KDM4B: variants seen among roughly 807,000 people sequenced by gnomAD.
KDM4B encodes lysine demethylase 4B.
In KDM4B, 32 loss-of-function variants were observed where a neutral mutation model predicts 125.2. That is an observed-to-expected ratio of 0.26 (90% CI 0.19 to 0.34). KDM4B has a LOEUF of 0.34. Among genes scored for constraint, KDM4B ranks in the 10% least tolerant of loss-of-function variants. The probability of loss-of-function intolerance (pLI) is 1.00; values close to 1 mark genes in which losing one functional copy is unlikely to be tolerated. For synonymous variants in KDM4B, 721 were observed against 677.9 expected (o/e 1.06, Z -0.99); for missense variants, 1,190 against 1,577.7 (o/e 0.75, Z 4.16).
intron 9 of KDM4B, among the ~76,000 whole-genome samples, chr19:5,096,541 C>T (rs1477317093): frequency 6.6e-6 from 1 of 152,202 alleles, no homozygotes; most frequent in African/African-American, 2.4e-5. Flanking sequence ...ACCCCAGTTT[C>T]TCACTTCCGT....
chr19:4,971,185 C>T lies in KDM4B; in HGVS notation c.-109+1955C>T, dbSNP rs1299660378. 6.6e-6 allele frequency among the ~76,000 whole-genome samples: 1 copy of T among 152,096 alleles called. No homozygotes were observed. Among genetic ancestry groups the T allele is most frequent in the African/African-American group, 2.4e-5 (1 of 41,412 alleles). ...TCCTCTTTGGGGAGGGGGCTGCTAACAAGATGTTAACTGCTGGCGCTTAAA... is the reference window on the plus strand; with the variant it reads ...TCCTCTTTGGGGAGGGGGCTGCTAATAAGATGTTAACTGCTGGCGCTTAAA... On this transcript the variant is annotated intron_variant, in intron 1 of 22. Transcript: ENST00000159111. This position sits in a 1 kb window ranked among gnomAD's most constrained non-coding sequence, Gnocchi z 4.1.
intron 9 of KDM4B, among the ~76,000 whole-genome samples, chr19:5,105,876 G>A (rs1010838211): frequency 2.6e-5 from 4 of 152,244 alleles, no homozygotes; most frequent in African/African-American, 9.6e-5. Context: ...GCCTGGCTAT[G>A]TGCCAATAAA....
chr19:5,143,834 C>A, intron 18 of KDM4B, 133 bp from the exon 19 acceptor site: 1 of 716,330 alleles, frequency 1.4e-6, no homozygotes. Context: ...GAGGGGAACC[C>A]TCACTGGGCA....
chr19:5,098,602 G>T (rs1012287725), intron 9 of KDM4B, among the ~76,000 whole-genome samples: 13 of 152,130 alleles, frequency 8.5e-5, no homozygotes, highest in Non-Finnish European at 1.2e-4. Context: ...GAAGGTCTGT[G>T]TCCCCTCAGA....
At chr19:5,004,542 C>T (rs927546207) in intron 1 of KDM4B, among the ~76,000 whole-genome samples, 1 of 152,182 alleles carries the variant, frequency 6.6e-6, no homozygotes, top group Non-Finnish European at 1.5e-5. Flanking sequence ...TGGGGACGCT[C>T]GGCAGTGTCT....
At chr19:5,149,204 C>A (rs150346848) in intron 21 of KDM4B, among the ~76,000 whole-genome samples, 2 of 152,274 alleles carry the variant, frequency 1.3e-5, no homozygotes, top group African/African-American at 2.4e-5. Flanking sequence ...CGGGCCCCCC[C>A]GCTGCACACT....
Position 5,035,896 on chromosome 19 carries a change from C to T in KDM4B, c.141+2865C>T, listed in dbSNP as rs1165513968. ...GTGTGTGTGTGCGCGCGCGCGCGCG[C>T]CTGCGCGCACAGGAGACTGAGGTGG... On this transcript the variant is annotated intron_variant, in intron 3 of 22. Coordinates refer to ENST00000159111, the MANE Select transcript of KDM4B (RefSeq NM_015015.3). This position sits in a 1 kb window ranked among gnomAD's most constrained non-coding sequence, Gnocchi z 5.3. 7.1e-5 allele frequency among the ~76,000 whole-genome samples: 9 copies of T among 126,706 alleles called. No individual in the cohort carries two copies. Among genetic ancestry groups the T allele is most frequent in the African/African-American group, 2.8e-4 (9 of 31,690 alleles). 83.1% of individuals were successfully genotyped at this position (126,706 alleles called of 152,430 possible). A position where few individuals can be genotyped will look rare whatever the true frequency, so the allele number is the denominator to read the frequency against.
At chr19:5,021,514 A>G (rs2036118993) in intron 2 of KDM4B, among the ~76,000 whole-genome samples, 1 of 152,132 alleles carries the variant, frequency 6.6e-6, no homozygotes, top group African/African-American at 2.4e-5. Context: ...TCCAGGCTGC[A>G]GTGAGCTGTG....
At chr19:5,104,017 G>T (rs988140250) in intron 9 of KDM4B, among the ~76,000 whole-genome samples, 9 of 152,224 alleles carry the variant, frequency 5.9e-5, no homozygotes, top group Admixed American at 4.6e-4. Flanking sequence ...AGAAGGAGGG[G>T]CCCTCCCCAC....
chr19:5,094,130 C>T (rs1337130129), intron 9 of KDM4B, among the ~76,000 whole-genome samples: 2 of 152,320 alleles, frequency 1.3e-5, no homozygotes, highest in African/African-American at 2.4e-5. Flanking sequence ...CCCATGGTCA[C>T]GCGGCCCCTC....
rs1568284319 is a variant in KDM4B, at chr19:5,082,852, C to T, written c.918+348C>T. ...GTTTCCTCCACCAGCACCATTGTCC[C>T]CCCTGCTGGCTGGCTCCTGGGCATC... On this transcript the variant is annotated intron_variant, in intron 9 of 22. Transcript: ENST00000159111. The surrounding 1 kb of genome is among the most constrained non-coding windows in gnomAD (Gnocchi z 5.4). Among the ~76,000 whole-genome samples the T allele has an allele frequency of 6.6e-6, 1 of 152,166 alleles. No homozygotes were observed. Among genetic ancestry groups the T allele is most frequent in the Non-Finnish European group, 1.5e-5 (1 of 68,002 alleles).
chr19:5,089,910 G>A (rs2038633447), intron 9 of KDM4B, among the ~76,000 whole-genome samples: 1 of 152,184 alleles, frequency 6.6e-6, no homozygotes, highest in South Asian at 2.1e-4. Context: ...AGTGACTCAT[G>A]CCTCTAATCC....
At chr19:5,076,135 C>A (rs11878832) in intron 7 of KDM4B, 1 of 54,622 alleles carries the variant, frequency 1.8e-5, no homozygotes, top group Non-Finnish European at 3.4e-5. Flanking sequence ...TCTCGTTGAC[C>A]GAGTGACGAG....
At chr19:4,998,550 T>C (rs749249349) in intron 1 of KDM4B, among the ~76,000 whole-genome samples, 2 of 152,182 alleles carry the variant, frequency 1.3e-5, no homozygotes, top group African/African-American at 4.8e-5. Context: ...TTACCTCTCC[T>C]TCAGTGTGTA....
At chr19:5,133,790 C>T (rs926251784) in intron 13 of KDM4B, 93 bp from the exon 14 acceptor site, 1 of 1,369,014 alleles carries the variant, frequency 7.3e-7, no homozygotes, top group Non-Finnish European at 1.0e-6. Context: ...GGGCTGTAGA[C>T]CCGGGGCCAT....
At chr19:5,148,983 C>T (rs1350038564) in intron 21 of KDM4B, among the ~76,000 whole-genome samples, 1 of 152,244 alleles carries the variant, frequency 6.6e-6, no homozygotes, top group African/African-American at 2.4e-5. Flanking sequence ...AGGCAACCGG[C>T]CATCTGAGAG....
At position 5,143,956 on chromosome 19, in the gene KDM4B, C is replaced by T. The variant is rs753498519; in HGVS notation, c.2551-11C>T. 3 of 1,571,258 alleles carry T rather than the reference C, an allele frequency of 1.9e-6. No individual in the cohort carries two copies. The African/African-American group carries it at 4.1e-5, about 21-fold the overall frequency. On this transcript the variant is annotated splice_polypyrimidine_tract_variant and intron_variant, in intron 18 of 22. Coordinates refer to ENST00000159111, the MANE Select transcript of KDM4B (RefSeq NM_015015.3). ...CGAGCCCCATGCCCCTGCCTGTGTC[C>T]CCATCCCCAGAAATGCGTGTACTGC...
At position 5,135,623 on chromosome 19, in the gene KDM4B, C is replaced by T. The variant is rs567044424; in HGVS notation, c.2308+62C>T. ...TCCTTCAGGGTGTTGGTGGGGGTGC[C>T]GGTGGGGGCTCCATCCTCCCCTGCG... On this transcript the variant is annotated intron_variant, in intron 15 of 22. Coordinates refer to ENST00000159111, the MANE Select transcript of KDM4B (RefSeq NM_015015.3). The T allele has an allele frequency of 7.0e-4, 982 of 1,393,016 alleles. 1 individual carries two copies. Among genetic ancestry groups the T allele is most frequent in the Non-Finnish European group, 8.7e-4 (890 of 1,027,366 alleles). The allele number at this position is 1,393,016 out of a possible 1,614,324, so 86.3% of individuals were successfully genotyped here.
At chr19:5,026,663 A>G (rs1440874660) in intron 2 of KDM4B, among the ~76,000 whole-genome samples, 1 of 152,172 alleles carries the variant, frequency 6.6e-6, no homozygotes, top group East Asian at 1.9e-4. Context: ...AAGTTGGCTC[A>G]GAGCTGCCCT....
Sources: allele counts gnomAD v4.1 joint callset (sites outside exome capture counted in the v4.1 genomes callset), GRCh38; gene constraint gnomAD v4.1.1; non-coding constraint Gnocchi (gnomAD v3.1); transcripts MANE v1.5; gene names NCBI Gene and HGNC (gene_info 2026-07-23, HGNC 2026-07-21).